The following RBM39 variants were observed in gnomAD, a reference collection of about 807,000 sequenced individuals.
The protein encoded by RBM39 is RNA binding motif protein 39, also known as RNA-binding protein 39.
RBM39 carries 12 observed loss-of-function variants against 79.6 expected under a neutral mutation model. The ratio of observed to expected loss-of-function variants is 0.15; its 90% CI spans 0.10 to 0.24. The LOEUF is 0.24. RBM39 is among the 10% of genes least tolerant of loss of function. RBM39 has a pLI of 1.00. For synonymous variants in RBM39, 185 were observed against 208.4 expected, an observed-to-expected ratio of 0.89 and a Z score of 0.97; for missense variants, 243 against 653.4, an observed-to-expected ratio of 0.37 and a Z score of 6.85.
At chr20:35,729,982 A>G (rs1463259841) in intron 4 of RBM39, among the ~76,000 whole-genome samples, 1 of 152,188 alleles carries the variant, frequency 6.6e-6, no homozygotes, top group Non-Finnish European at 1.5e-5. Context: ...GTACATGTAC[A>G]TATACAATTT....
At chr20:35,734,128 G>C in intron 3 of RBM39, 1 of 1,006,312 alleles carries the variant, frequency 9.9e-7, no homozygotes, top group Non-Finnish European at 1.3e-6. Flanking sequence ...CTGCCTCAGA[G>C]AACCTGTAAG....
At chr20:35,712,949 T>A in intron 12 of RBM39, 70 bp downstream of exon 12, 1 of 1,267,936 alleles carries the variant, frequency 7.9e-7, no homozygotes. Context: ...TCCTTTTAAA[T>A]GTAAAAATTT....
intron 8 of RBM39, 132 bp downstream of exon 8, chr20:35,724,438 A>AG: frequency 1.2e-6 from 1 of 852,386 alleles, no homozygotes; most frequent in Middle Eastern, 4.0e-4. Context: ...AAGTTAAAAA[A>AG]AAAAAAAAAG....
chr20:35,735,208 G>C, intron 3 of RBM39: 2 of 1,284,776 alleles, frequency 1.6e-6, no homozygotes, highest in Non-Finnish European at 2.0e-6. Context: ...ATTCTCTAAA[G>C]AGCTTAACGG....
chr20:35,741,624 G>A (rs2040545757), intron 1 of RBM39: 2 of 152,198 alleles, frequency 1.3e-5, no homozygotes, highest in African/African-American at 2.4e-5. Flanking sequence ...TAGGGGCAAA[G>A]AGAAACTCCC....
chr20:35,740,957 T>C, intron 1 of RBM39, 70 bp from the exon 2 acceptor site: 2 of 1,128,186 alleles, frequency 1.8e-6, no homozygotes, highest in Non-Finnish European at 2.6e-6. Flanking sequence ...TTCACTCTTG[T>C]TGCCTATATC....
intron 9 of RBM39, among the ~76,000 whole-genome samples, chr20:35,717,306 A>C (rs6060577): frequency 1.5e-3 from 228 of 152,104 alleles, no homozygotes; most frequent in African/African-American, 4.7e-3. Flanking sequence ...ACAAAAAAAA[A>C]AAACAAACTC....
chr20:35,719,059 A>G (rs1569019470), intron 9 of RBM39, among the ~76,000 whole-genome samples: 5 of 152,146 alleles, frequency 3.3e-5, no homozygotes, highest in African/African-American at 1.2e-4. Context: ...AATGCATACT[A>G]ATTGTTCTGG....
intron 12 of RBM39, 150 bp downstream of exon 12, chr20:35,712,869 T>C: frequency 4.9e-6 from 3 of 606,984 alleles, no homozygotes; most frequent in South Asian, 4.4e-5. Flanking sequence ...ACCCTATGTC[T>C]CCACTTCCTT....
intron 9 of RBM39, among the ~76,000 whole-genome samples, chr20:35,718,932 G>T (rs773407487): frequency 2.4e-4 from 36 of 151,478 alleles, no homozygotes; most frequent in Non-Finnish European, 5.2e-4. Context: ...GTGAGCTATC[G>T]CACTCCAGCC....
In RBM39 at chr20:35,728,628, T is replaced by G. The variant is rs184996698; in HGVS notation, c.416+684A>C. The stretch of plus-strand genomic sequence containing the variant: ...CCCGTCTCTACTTAAAATACAAAAA[T>G]TTGCCGGGCATTGTGGCACATGCCT... On this transcript the variant is annotated intron_variant, in intron 6 of 16. Transcript: ENST00000253363. Among the ~76,000 whole-genome samples, 204 of 151,794 alleles carry G rather than the reference T, an allele frequency of 1.3e-3. 2 individuals are homozygous for G. Among genetic ancestry groups the G allele is most frequent in the Non-Finnish European group, 1.2e-3 (84 of 67,908 alleles).
At chr20:35,727,193 T>A (rs921968641) in intron 6 of RBM39, among the ~76,000 whole-genome samples, 1 of 149,402 alleles carries the variant, frequency 6.7e-6, no homozygotes, top group East Asian at 2.0e-4. Flanking sequence ...AAAAAAAAAA[T>A]AGAAAAATTA....
At chr20:35,734,805 C>T (rs1049866624) in intron 3 of RBM39, 3 of 1,376,964 alleles carry the variant, frequency 2.2e-6, no homozygotes, top group Non-Finnish European at 2.8e-6. Context: ...GTGCAAGAAA[C>T]CAGTATATTT....
chr20:35,721,940 C>T (rs879464162), intron 8 of RBM39, 63 bp from the exon 9 acceptor site: 3 of 1,526,876 alleles, frequency 2.0e-6, no homozygotes, highest in Admixed American at 3.5e-5. Context: ...ATACACCTTC[C>T]ATTTGCATAA....
rs1418005500 is a variant in RBM39 at position 35,739,234 on chromosome 20, A to AC, written c.52-218_52-217insG. 5 of 580,188 alleles carry AC rather than the reference A, an allele frequency of 8.6e-6. No individual in the cohort carries two copies. In the African/African-American group the frequency reaches 9.5e-5, roughly 11 times the overall value. 35.9% of individuals were successfully genotyped at this position (580,188 alleles called of 1,614,324 possible). ...GTCATCAAGATACAAAAATAAAAAA[A>AC]TTTTCCATATTAACATGTTAAATTT... On this transcript the variant is annotated intron_variant, in intron 2 of 16. Transcript: ENST00000253363.
chr20:35,719,606 G>A lies in RBM39; in HGVS notation c.825+2134C>T, dbSNP rs140577337. Among the ~76,000 whole-genome samples the A allele has an allele frequency of 8.9e-3, 1,348 of 152,108 alleles. 20 individuals carry two copies. Among genetic ancestry groups the A allele is most frequent in the Admixed American group, 0.033 (506 of 15,278 alleles). ...GCAGGAGAATCAATTGAACCTGGGA[G>A]GCGGAGGTTGCAGTGAGCCGAGACT... On this transcript the variant is annotated intron_variant, in intron 9 of 16. Coordinates refer to ENST00000253363, the MANE Select transcript of RBM39 (RefSeq NM_184234.3).
chr20:35,724,361 T>C (rs984165806), intron 8 of RBM39, among the ~76,000 whole-genome samples: 6 of 151,212 alleles, frequency 4.0e-5, no homozygotes, highest in Admixed American at 3.3e-4. Flanking sequence ...AATCATTACA[T>C]TTCAAACACA....
intron 7 of RBM39, 78 bp from the exon 8 acceptor site, chr20:35,724,800 G>A: frequency 6.8e-7 from 1 of 1,466,328 alleles, no homozygotes; most frequent in Non-Finnish European, 9.3e-7. Flanking sequence ...ACTGTTGAAG[G>A]ATGAAGGTAT....
chr20:35,739,765 A>G (rs1329144799), intron 2 of RBM39: 4 of 290,008 alleles, frequency 1.4e-5, no homozygotes, highest in Admixed American at 4.5e-5. Context: ...AATTACATAC[A>G]CTATTTAAAT....
Sources: allele counts gnomAD v4.1 joint callset (sites outside exome capture counted in the v4.1 genomes callset), GRCh38; gene constraint gnomAD v4.1.1; transcripts MANE v1.5; gene names NCBI Gene and HGNC (gene_info 2026-07-23, HGNC 2026-07-21).